The following FLT3 variants were observed in gnomAD, a reference collection of about 807,000 sequenced individuals.
The protein encoded by FLT3 is receptor-type tyrosine-protein kinase FLT3.
FLT3 carries 46 observed loss-of-function variants against 126.6 expected under a neutral mutation model. That is an observed-to-expected ratio of 0.36 (90% CI 0.29 to 0.46). The LOEUF (loss-of-function observed/expected upper bound fraction) is 0.46, where lower values mean the gene tolerates loss of function less well. Ranked by LOEUF, FLT3 falls within the 20% of genes least tolerant of loss-of-function variation. The pLI, the probability that FLT3 is intolerant of heterozygous loss-of-function variation, is 1.00. For missense variants in FLT3, 1,069 were observed against 1,190.3 expected, an observed-to-expected ratio of 0.90 and a Z score of 1.50; for synonymous variants, 404 against 434.4, an observed-to-expected ratio of 0.93 and a Z score of 0.87.
chr13:28,079,108 A>G (rs1479995161), intron 1 of FLT3, among the ~76,000 whole-genome samples: 3 of 152,180 alleles, frequency 2.0e-5, no homozygotes, highest in Non-Finnish European at 4.4e-5. Context: ...CAAGTACTCA[A>G]GTCATCTCTT....
intron 4 of FLT3, among the ~76,000 whole-genome samples, chr13:28,054,501 C>T (rs996437994): frequency 6.6e-6 from 1 of 151,870 alleles, no homozygotes; most frequent in African/African-American, 2.4e-5. Flanking sequence ...GCGGGAGGAT[C>T]GCTTGAGCCC....
intron 1 of FLT3, among the ~76,000 whole-genome samples, chr13:28,076,062 G>T (rs1376589618): frequency 6.6e-6 from 1 of 152,102 alleles, no homozygotes; most frequent in African/African-American, 2.4e-5. Flanking sequence ...CTCCCAAAGT[G>T]CTGGGATTAT....
chr13:28,005,858 CTA>C (rs1285013450), intron 23 of FLT3, among the ~76,000 whole-genome samples: 1 of 152,224 alleles, frequency 6.6e-6, no homozygotes, highest in Non-Finnish European at 1.5e-5. Flanking sequence ...ATCTCCTTAA[CTA>C]TATATGTTTC....
At chr13:28,091,274 T>A (rs984556362) in intron 1 of FLT3, among the ~76,000 whole-genome samples, 26 of 124,394 alleles carry the variant, frequency 2.1e-4, no homozygotes, top group African/African-American at 7.7e-4. Flanking sequence ...CAGGCTGGAG[T>A]GCAGTGGCGC....
chr13:28,020,983 T>C (rs149362655), intron 19 of FLT3, among the ~76,000 whole-genome samples: 1,814 of 152,266 alleles, frequency 0.012, 35 homozygotes, highest in African/African-American at 0.041. Context: ...AGCCTGGGGT[T>C]GAAGGGGAAG....
intron 2 of FLT3, among the ~76,000 whole-genome samples, chr13:28,065,889 C>T (rs1156235812): frequency 6.6e-6 from 1 of 151,872 alleles, no homozygotes; most frequent in East Asian, 1.9e-4. Flanking sequence ...GTAATCCCAG[C>T]ACTTTGGGAG....
chr13:28,085,737 T>C (rs1878636768), intron 1 of FLT3, among the ~76,000 whole-genome samples: 1 of 150,354 alleles, frequency 6.7e-6, no homozygotes, highest in Non-Finnish European at 1.5e-5. Flanking sequence ...TCTAACATCA[T>C]TACCTCTGGC....
chr13:28,059,296 G>A (rs7319898), intron 3 of FLT3, among the ~76,000 whole-genome samples: 112,882 of 152,026 alleles, frequency 0.74, 42,726 homozygotes, highest in East Asian at 0.95. Context: ...TGGAAAGCGC[G>A]TGCCTTCTCT....
intron 23 of FLT3, among the ~76,000 whole-genome samples, chr13:28,008,758 C>A (rs994332835): frequency 6.6e-6 from 1 of 152,092 alleles, no homozygotes; most frequent in African/African-American, 2.4e-5. Context: ...GGATTACAGG[C>A]GTGAGCTACC....
Position 28,003,916 on chromosome 13 carries a change from G to T in FLT3, c.*136C>A. 3 of 988,644 alleles carry T rather than the reference G, an allele frequency of 3.0e-6. No homozygotes were observed. The highest frequency in any genetic ancestry group is 3.0e-6 in the Non-Finnish European group (2 of 658,818). 61.2% of individuals were successfully genotyped at this position (988,644 alleles called of 1,614,324 possible). On this transcript the variant is annotated 3_prime_UTR_variant, in exon 24 of 24. Transcript: ENST00000241453. ...TTGAAAACAAGAGTAAACGCAGACA[G>T]CTTCTAGAGAAAAGTCTGGTGAAGC...
intron 3 of FLT3, among the ~76,000 whole-genome samples, chr13:28,060,480 AG>A (rs557815442): frequency 6.7e-6 from 1 of 148,254 alleles, no homozygotes; most frequent in African/African-American, 2.5e-5. Context: ...AAAAAAAAAA[AG>A]AAAAAGGAAA....
Position 28,086,619 on chromosome 13 carries a change from CGTGTGTGTGTGTGTGTGTGT to C in FLT3, c.43+13829_43+13848del, listed in dbSNP as rs35797346. 1.1e-3 allele frequency among the ~76,000 whole-genome samples: 150 copies of C among 134,832 alleles called. 2 individuals carry two copies. The highest frequency in any genetic ancestry group is 3.3e-3 in the Admixed American group (43 of 13,152). 88.5% of individuals were successfully genotyped at this position (134,832 alleles called of 152,430 possible). A position where few individuals can be genotyped will look rare whatever the true frequency, so the allele number is the denominator to read the frequency against. ...TATTTTTCCTTCTGTCTGAAGAACT[CGTGTGTGTGTGTGTGTGTGT>C]GTGTGTGTGTGTGTGTGTGTGTGTT... On this transcript the variant is annotated intron_variant, in intron 1 of 23. Coordinates refer to ENST00000241453, the MANE Select transcript of FLT3 (RefSeq NM_004119.3).
At chr13:28,070,991 C>CTT (rs11408684) in intron 1 of FLT3, among the ~76,000 whole-genome samples, 16,597 of 90,860 alleles carry the variant, frequency 0.18, 3,108 homozygotes, top group Non-Finnish European at 0.2. Context: ...AGATTTCTAC[C>CTT]TTTTTTTTTT....
chr13:28,061,951 A>G lies in FLT3; in HGVS notation c.284T>C (p.Val95Ala). 1 of 1,613,840 alleles carries G rather than the reference A, an allele frequency of 6.2e-7. No individual in the cohort carries two copies. Residue 95 changes from valine (V) to alanine (A), a missense_variant, in exon 3 of 24, where the codon GTC becomes GCC. Physicochemically the swap from Val to Ala is moderately conservative, Grantham distance 64. Coordinates refer to ENST00000241453, the MANE Select transcript of FLT3 (RefSeq NM_004119.3). ...ACAGGAAATGTTCCCTGGGGCGTCG[A>G]CCAGCACTTGCAGTGTGATGGAAGC... is the stretch of plus-strand genomic sequence containing the variant. Reference protein sequence around the residue: ...VSASITLQVLVDAPGNISCLW... With the variant: ...VSASITLQVLADAPGNISCLW...
Position 28,015,232 on chromosome 13 carries a change from G to A in FLT3, c.2678C>T (p.Pro893Leu), listed in dbSNP as rs1048919218. Residue 893 changes from proline (P) to leucine (L), a missense_variant, in exon 22 of 24, where the codon CCG (proline) becomes CTG (leucine). Coordinates refer to ENST00000241453, the MANE Select transcript of FLT3 (RefSeq NM_004119.3). Reference sequence around the variant, plus strand: ...CAGTTTGTAGAAGTTAGCATCAACCGGAATGCCAGGGTAAGGATTCACACC... The same window carrying A: ...CAGTTTGTAGAAGTTAGCATCAACCAGAATGCCAGGGTAAGGATTCACACC... ...SLGVNPYPGI[P>L]VDANFYKLIQ... 6 of 1,610,418 alleles carry A rather than the reference G, an allele frequency of 3.7e-6. No individual in the cohort carries two copies. Among genetic ancestry groups the A allele is most frequent in the African/African-American group, 2.7e-5 (2 of 74,914 alleles).
chr13:28,033,429 C>T (rs760507710), intron 15 of FLT3, among the ~76,000 whole-genome samples: 2 of 152,116 alleles, frequency 1.3e-5, no homozygotes, highest in Non-Finnish European at 1.5e-5. Flanking sequence ...TTTGGGAGGC[C>T]GAGGCGGGCA....
rs968366659 is a variant in FLT3, at chr13:28,003,649, A to G, written c.*403T>C. On this transcript the variant is annotated 3_prime_UTR_variant, in exon 24 of 24. Coordinates refer to ENST00000241453, the MANE Select transcript of FLT3 (RefSeq NM_004119.3). Reference sequence around the variant, plus strand: ...GAAATTTTATTCCCACCCATAAAATATATCACTAAATAGCTGAAAAATTTA... The same window carrying G: ...GAAATTTTATTCCCACCCATAAAATGTATCACTAAATAGCTGAAAAATTTA... 4 of 251,022 alleles carry G rather than the reference A, an allele frequency of 1.6e-5. No individual in the cohort carries two copies. The highest frequency in any genetic ancestry group is 1.4e-4 in the South Asian group (1 of 7,402). The allele number at this position is 251,022 out of a possible 1,614,324, so 15.5% of individuals were successfully genotyped here.
chr13:28,092,770 T>C (rs1879197408), intron 1 of FLT3, among the ~76,000 whole-genome samples: 1 of 151,726 alleles, frequency 6.6e-6, no homozygotes, highest in African/African-American at 2.4e-5. Context: ...ACAGCAATGA[T>C]TACCCTTTCT....
At chr13:28,059,200 T>C (rs999264550) in intron 3 of FLT3, among the ~76,000 whole-genome samples, 3 of 152,184 alleles carry the variant, frequency 2.0e-5, no homozygotes, top group Non-Finnish European at 2.9e-5. Context: ...CTGGTACAAG[T>C]TGATCACAGA....
Sources: gnomAD v4.1 joint callset for allele counts (sites outside exome capture counted in the v4.1 genomes callset) on GRCh38, gnomAD v4.1.1 for gene constraint, MANE v1.5 for transcripts, NCBI Gene and HGNC (gene_info 2026-07-23, HGNC 2026-07-21) for gene names.